LRRTM4: variants seen among roughly 807,000 people sequenced by gnomAD.
LRRTM4 encodes leucine rich repeat transmembrane neuronal 4.
In LRRTM4, 25 loss-of-function variants were observed where a neutral mutation model predicts 47.6. The observed-to-expected ratio is 0.53, with a 90% confidence interval of 0.38 to 0.73. The LOEUF is 0.73. Among genes scored for constraint, LRRTM4 ranks in the 30% least tolerant of loss-of-function variants. LRRTM4 has a pLI of 0.00. For missense variants in LRRTM4, 638 were observed against 713.4 expected (o/e 0.89, Z 1.20); for synonymous variants, 311 against 269.5 (o/e 1.15, Z -1.51).
intron 3 of LRRTM4, among the ~76,000 whole-genome samples, chr2:77,317,169 T>G (rs1573242910): frequency 1.3e-5 from 2 of 152,324 alleles, no homozygotes; most frequent in East Asian, 3.9e-4. Context: ...GCTTATATAT[T>G]GCCATCCAAA....
At chr2:76,930,499 C>A (rs1053447211) in intron 3 of LRRTM4, among the ~76,000 whole-genome samples, 1 of 152,160 alleles carries the variant, frequency 6.6e-6, no homozygotes, top group African/African-American at 2.4e-5. Context: ...ACAGAAGTAA[C>A]CGCAGATGCC....
At chr2:76,825,304 A>G (rs930114691) in intron 3 of LRRTM4, among the ~76,000 whole-genome samples, 9 of 151,874 alleles carry the variant, frequency 5.9e-5, no homozygotes, top group African/African-American at 2.2e-4. Flanking sequence ...CTATTCAAAT[A>G]GCCTAAGCTA....
intron 3 of LRRTM4, among the ~76,000 whole-genome samples, chr2:76,849,119 G>C (rs1331477519): frequency 6.6e-6 from 1 of 151,712 alleles, no homozygotes; most frequent in Non-Finnish European, 1.5e-5. Context: ...TTTTTTCTGG[G>C]TTAAATGAGA....
chr2:76,894,112 C>T (rs936445153), intron 3 of LRRTM4, among the ~76,000 whole-genome samples: 7 of 151,798 alleles, frequency 4.6e-5, no homozygotes, highest in African/African-American at 1.7e-4. Flanking sequence ...ATACAGAGTA[C>T]CAGTGGAAGG....
intron 3 of LRRTM4, among the ~76,000 whole-genome samples, chr2:77,218,892 T>TG (rs1243387131): frequency 6.6e-6 from 1 of 152,088 alleles, no homozygotes; most frequent in Non-Finnish European, 1.5e-5. Context: ...CAAAAAAGAT[T>TG]GGGTCTCAGC....
At chr2:77,297,949 A>C (rs1477757267) in intron 3 of LRRTM4, among the ~76,000 whole-genome samples, 1 of 152,212 alleles carries the variant, frequency 6.6e-6, no homozygotes, top group Non-Finnish European at 1.5e-5. Flanking sequence ...CATTGTTTCC[A>C]AAGAAAATTT....
At chr2:77,047,797 T>C (rs1351596527) in intron 3 of LRRTM4, among the ~76,000 whole-genome samples, 2 of 152,064 alleles carry the variant, frequency 1.3e-5, no homozygotes, top group South Asian at 2.1e-4. Context: ...TTTCAACTCA[T>C]AACATACAAT....
intron 3 of LRRTM4, among the ~76,000 whole-genome samples, chr2:77,505,953 G>A (rs2104089875): frequency 6.6e-6 from 1 of 151,680 alleles, no homozygotes; most frequent in Admixed American, 6.6e-5. Context: ...GTTCAGGGAA[G>A]AGAGAGCGAT....
At chr2:76,993,740 A>C (rs1001247047) in intron 3 of LRRTM4, among the ~76,000 whole-genome samples, 1 of 151,936 alleles carries the variant, frequency 6.6e-6, no homozygotes, top group Non-Finnish European at 1.5e-5. Flanking sequence ...TCCACCCAGC[A>C]GTCCCAACAA....
At chr2:76,801,571 G>C (rs1005217833) in intron 3 of LRRTM4, among the ~76,000 whole-genome samples, 1 of 152,006 alleles carries the variant, frequency 6.6e-6, no homozygotes, top group East Asian at 1.9e-4. Flanking sequence ...GCTAGATGAT[G>C]AGTTAGTGGG....
intron 3 of LRRTM4, among the ~76,000 whole-genome samples, chr2:76,960,819 A>G (rs995181968): frequency 2.0e-5 from 3 of 151,552 alleles, no homozygotes; most frequent in Non-Finnish European, 4.4e-5. Flanking sequence ...TACCATTCTT[A>G]TAAAATTTAA....
chr2:77,460,613 G>T (rs1676751804), intron 3 of LRRTM4, among the ~76,000 whole-genome samples: 1 of 152,140 alleles, frequency 6.6e-6, no homozygotes, highest in African/African-American at 2.4e-5. Context: ...TTATACACAT[G>T]TAATAAGTTA....
intron 3 of LRRTM4, among the ~76,000 whole-genome samples, chr2:77,018,407 C>A (rs1301889885): frequency 6.6e-6 from 1 of 151,902 alleles, no homozygotes; most frequent in Non-Finnish European, 1.5e-5. Context: ...CATTTACATC[C>A]TTTCAGGGAA....
intron 3 of LRRTM4, among the ~76,000 whole-genome samples, chr2:76,792,463 T>C (rs936978471): frequency 2.0e-5 from 3 of 152,158 alleles, no homozygotes; most frequent in African/African-American, 4.8e-5. Context: ...AATCCAAAGA[T>C]AGAAGGATAT....
chr2:77,200,364 G>A (rs1373859448), intron 3 of LRRTM4, among the ~76,000 whole-genome samples: 1 of 152,054 alleles, frequency 6.6e-6, no homozygotes, highest in Non-Finnish European at 1.5e-5. Context: ...ATAGACATCA[G>A]TTGACAAAAA....
intron 3 of LRRTM4, among the ~76,000 whole-genome samples, chr2:77,303,229 C>A (rs1453091030): frequency 6.6e-6 from 1 of 151,684 alleles, no homozygotes; most frequent in Non-Finnish European, 1.5e-5. Flanking sequence ...CCATTGCACT[C>A]CAGCCTGGGC....
intron 3 of LRRTM4, among the ~76,000 whole-genome samples, chr2:77,131,516 CTG>C (rs1671802982): frequency 6.6e-6 from 1 of 152,264 alleles, no homozygotes; most frequent in South Asian, 2.1e-4. Flanking sequence ...TGAACCAAAA[CTG>C]TGGTTCTAAT....
chr2:77,505,496 T>C (rs1232077657), intron 3 of LRRTM4, among the ~76,000 whole-genome samples: 1 of 151,408 alleles, frequency 6.6e-6, no homozygotes, highest in Non-Finnish European at 1.5e-5. Context: ...CAAAATACAG[T>C]AGTCAAATTA....
chr2:77,511,623 T>C (rs1408014214), intron 3 of LRRTM4, among the ~76,000 whole-genome samples: 1 of 152,008 alleles, frequency 6.6e-6, no homozygotes, highest in Non-Finnish European at 1.5e-5. Flanking sequence ...AATAAGGTTA[T>C]GGTATTTATT....
Sources: gnomAD v4.1 joint callset for allele counts (sites outside exome capture counted in the v4.1 genomes callset) on GRCh38, gnomAD v4.1.1 for gene constraint, MANE v1.5 for transcripts, NCBI Gene and HGNC (gene_info 2026-07-23, HGNC 2026-07-21) for gene names.